The following PIGU variants were observed in gnomAD, a reference collection of about 807,000 sequenced individuals.
PIGU encodes the protein phosphatidylinositol glycan anchor biosynthesis class U.
A neutral mutation model predicts 49.9 loss-of-function variants in PIGU; 24 were observed. The ratio of observed to expected loss-of-function variants is 0.48; its 90% CI spans 0.35 to 0.68. The LOEUF (loss-of-function observed/expected upper bound fraction) is 0.68. Among genes scored for constraint, PIGU ranks in the 30% least tolerant of loss-of-function variants. PIGU has a pLI of 0.01. For missense variants in PIGU, 490 were observed against 532.6 expected (o/e 0.92, Z 0.79); for synonymous variants, 220 against 205.7 (o/e 1.07, Z -0.59).
At chr20:34,579,978 T>A (rs992388343) in intron 10 of PIGU, among the ~76,000 whole-genome samples, 3 of 152,232 alleles carry the variant, frequency 2.0e-5, no homozygotes, top group African/African-American at 7.2e-5. Context: ...ATTTTCTTTA[T>A]TTGATTAATG....
At chr20:34,614,226 G>T (rs563523178) in intron 7 of PIGU, among the ~76,000 whole-genome samples, 1 of 152,110 alleles carries the variant, frequency 6.6e-6, no homozygotes, top group Non-Finnish European at 1.5e-5. Flanking sequence ...GTGCCCGGGA[G>T]GTTGAGGGTG....
At chr20:34,569,526 C>T (rs1032936492) in intron 11 of PIGU, among the ~76,000 whole-genome samples, 2 of 152,154 alleles carry the variant, frequency 1.3e-5, no homozygotes, top group South Asian at 2.1e-4. Context: ...CTACTGCAAC[C>T]GGCCTACTAA....
chr20:34,677,065 C>T lies in PIGU; in HGVS notation c.21G>A (p.Leu7=). MAAPLV[L]VLVVAVTVRA... ...GCACTGTCACAGCCACCACCAGCAC[C>T]AGGACCAAGGGAGCCGCCATGATAA... The change falls in exon 1 of 12, where the codon CTG becomes CTA. Residue 7 remains leucine (L), a synonymous_variant. Transcript: ENST00000217446. The T allele has an allele frequency of 1.9e-6, 3 of 1,567,836 alleles. No homozygotes were observed. The highest frequency in any genetic ancestry group is 2.6e-6 in the Non-Finnish European group (3 of 1,156,760).
intron 11 of PIGU, among the ~76,000 whole-genome samples, chr20:34,561,728 G>A (rs1217724851): frequency 6.6e-6 from 1 of 151,970 alleles, no homozygotes; most frequent in East Asian, 1.9e-4. Flanking sequence ...TAGGGTCCCT[G>A]TCCGCCCTCT....
intron 11 of PIGU, among the ~76,000 whole-genome samples, chr20:34,563,296 G>A (rs1364840589): frequency 1.3e-5 from 2 of 152,132 alleles, no homozygotes; most frequent in African/African-American, 2.4e-5. Context: ...GGCGAGGTGC[G>A]GTGGCTCATG....
At position 34,609,860 on chromosome 20, in the gene PIGU, A is replaced by C. The variant is rs535908022; in HGVS notation, c.627+6182T>G. Among the ~76,000 whole-genome samples, 14 of 152,194 alleles carry C rather than the reference A, an allele frequency of 9.2e-5. No homozygotes were observed. The East Asian group carries it at 2.5e-3, about 27-fold the overall frequency. ...GGTGGGAGGTAATTGAATCATGGGGATGGTTACCCCCAATGCTGCTGTTCT... is the reference window on the plus strand; with the variant it reads ...GGTGGGAGGTAATTGAATCATGGGGCTGGTTACCCCCAATGCTGCTGTTCT... On this transcript the variant is annotated intron_variant, in intron 7 of 11. Transcript: ENST00000217446.
chr20:34,616,607 G>A (rs549164588), intron 6 of PIGU, among the ~76,000 whole-genome samples: 1 of 152,110 alleles, frequency 6.6e-6, no homozygotes, highest in East Asian at 1.9e-4. Flanking sequence ...TTTAGGTCAC[G>A]TTTTTTCTTT....
At chr20:34,611,375 G>A (rs547903681) in intron 7 of PIGU, among the ~76,000 whole-genome samples, 3 of 152,144 alleles carry the variant, frequency 2.0e-5, no homozygotes, top group Admixed American at 6.5e-5. Flanking sequence ...GGCCAGGTGC[G>A]GTGGCTTATG....
intron 8 of PIGU, among the ~76,000 whole-genome samples, chr20:34,586,424 A>C (rs763246792): frequency 7.2e-5 from 11 of 152,156 alleles, no homozygotes; most frequent in Non-Finnish European, 1.5e-4. Flanking sequence ...CAGGAGAAAG[A>C]ACTCTTCACC....
intron 7 of PIGU, among the ~76,000 whole-genome samples, chr20:34,600,705 A>T (rs1188656444): frequency 6.6e-6 from 1 of 152,180 alleles, no homozygotes; most frequent in Non-Finnish European, 1.5e-5. Context: ...GAATAAAACA[A>T]CAAGGCCATG....
At chr20:34,676,823 C>A in intron 1 of PIGU, 133 bp downstream of exon 1, 1 of 1,133,218 alleles carries the variant, frequency 8.8e-7, no homozygotes, top group Non-Finnish European at 1.2e-6. Context: ...CCCGCCCTCT[C>A]CAAGAACCCC....
intron 1 of PIGU, among the ~76,000 whole-genome samples, chr20:34,666,797 C>T (rs182518266): frequency 6.0e-5 from 9 of 149,012 alleles, no homozygotes; most frequent in Non-Finnish European, 1.3e-4. Context: ...CCCGGGTTGA[C>T]GCCATTCTCC....
intron 7 of PIGU, among the ~76,000 whole-genome samples, chr20:34,613,392 A>C (rs1482926623): frequency 6.6e-6 from 1 of 152,222 alleles, no homozygotes; most frequent in Non-Finnish European, 1.5e-5. Flanking sequence ...GCTTGACTTA[A>C]TGAGTCAGTT....
intron 2 of PIGU, among the ~76,000 whole-genome samples, chr20:34,656,945 G>A (rs535663912): frequency 5.4e-4 from 82 of 152,214 alleles, no homozygotes; most frequent in Non-Finnish European, 1.0e-3. Context: ...CTTTACAAAT[G>A]GTAACTTCTA....
chr20:34,560,995 G>A lies in PIGU; in HGVS notation c.1195-16C>T, dbSNP rs772812984. 6.4e-7 allele frequency: 1 copy of A among 1,561,332 alleles called. No homozygotes were observed. The highest frequency in any genetic ancestry group is 1.1e-5 in the South Asian group (1 of 89,392). ...TGAGCAGGATCTGGGGGGAGAGAGAGGGTGTGAGGCGCTGCTGGGTACCTC... is the reference window on the plus strand; with the variant it reads ...TGAGCAGGATCTGGGGGGAGAGAGAAGGTGTGAGGCGCTGCTGGGTACCTC... On this transcript the variant is annotated splice_polypyrimidine_tract_variant and intron_variant, in intron 11 of 11. Transcript: ENST00000217446.
chr20:34,650,697 TCTC>T (rs1397009776), intron 2 of PIGU, among the ~76,000 whole-genome samples: 7 of 120,296 alleles, frequency 5.8e-5, no homozygotes, highest in Non-Finnish European at 8.5e-5. Flanking sequence ...TTTCTTTTTT[TCTC>T]TTTTTTTTTT....
At chr20:34,621,131 G>A (rs939331536) in intron 6 of PIGU, among the ~76,000 whole-genome samples, 2 of 151,500 alleles carry the variant, frequency 1.3e-5, no homozygotes, top group African/African-American at 2.4e-5. Context: ...TTTCTCAAGG[G>A]CAACACATTT....
intron 7 of PIGU, among the ~76,000 whole-genome samples, chr20:34,604,170 T>G (rs758098358): frequency 1.3e-5 from 2 of 152,202 alleles, no homozygotes; most frequent in Non-Finnish European, 2.9e-5. Context: ...AACTCGCAGT[T>G]ACAATATTCC....
In PIGU at chr20:34,645,712, G is replaced by T. The variant is rs192096688; in HGVS notation, c.196-378C>A. ...AGATGGAGACCATCCTGGCTAACAC[G>T]GTAAAACCCCCGTCTCTACTAAAAA... On this transcript the variant is annotated intron_variant, in intron 2 of 11. Transcript: ENST00000217446. Among the ~76,000 whole-genome samples, 151 of 152,134 alleles carry T rather than the reference G, an allele frequency of 9.9e-4. 1 individual carries two copies. The highest frequency in any genetic ancestry group is 1.9e-3 in the Non-Finnish European group (127 of 67,996).
Sources: gnomAD v4.1 joint callset for allele counts (sites outside exome capture counted in the v4.1 genomes callset) on GRCh38, gnomAD v4.1.1 for gene constraint, MANE v1.5 for transcripts, NCBI Gene and HGNC (gene_info 2026-07-23, HGNC 2026-07-21) for gene names.